LRRC9: variants seen among roughly 807,000 people sequenced by gnomAD.
LRRC9 encodes leucine-rich repeat-containing protein 9.
A neutral mutation model predicts 63.2 loss-of-function variants in LRRC9; 122 were observed. The ratio of observed to expected loss-of-function variants is 1.93; its 90% confidence interval spans 1.67 to 2.24. The LOEUF (loss-of-function observed/expected upper bound fraction) is 2.24. LRRC9 is among the 30% of genes most tolerant of loss of function. The pLI is 0.00. For synonymous variants in LRRC9, 366 were observed against 213.1 expected (o/e 1.72, Z -6.25); for missense variants, 1,071 against 627.7 (o/e 1.71, Z -7.55).
At chr14:60,065,166 G>C (rs1042682169), downstream of LRRC9, among the ~76,000 whole-genome samples, 1 of 152,126 alleles carries the variant, frequency 6.6e-6, no homozygotes, top group Admixed American at 6.6e-5. Context: ...CAGATCACAA[G>C]GTCAGAAGTT....
intron 17 of LRRC9, among the ~76,000 whole-genome samples, chr14:59,992,556 C>A (rs1187989895): frequency 6.6e-6 from 1 of 151,976 alleles, no homozygotes; most frequent in Non-Finnish European, 1.5e-5. Context: ...AGTTAAAAAC[C>A]TTGAAAAAAA....
intron 12 of LRRC9, chr14:59,973,324 G>A (rs1246078101): frequency 2.0e-5 from 3 of 151,834 alleles, no homozygotes; most frequent in Non-Finnish European, 1.5e-5. Flanking sequence ...TGAGGACCAA[G>A]ACTACACTGT....
At chr14:59,973,406 G>A (rs1159530327) in intron 12 of LRRC9, 1 of 152,048 alleles carries the variant, frequency 6.6e-6, no homozygotes, top group African/African-American at 2.4e-5. Flanking sequence ...GTCTAAAAAG[G>A]TTACTTACTG....
Position 60,008,295 on chromosome 14 carries a change from C to T in LRRC9, c.3186+81C>T, listed in dbSNP as rs574009969. The T allele has an allele frequency of 7.3e-6, 4 of 549,426 alleles. No individual in the cohort carries two copies. The East Asian group carries it at 1.2e-4, about 17-fold the overall frequency. The allele number at this position is 549,426 out of a possible 1,614,324, so 34.0% of individuals were successfully genotyped here. ...TAGGACATAGTCATTTTGAACATTG[C>T]TTTATCACTAGCATTATAGCCAAAT... On this transcript the variant is annotated intron_variant, in intron 23 of 31. Coordinates refer to ENST00000445360, the Ensembl canonical transcript of LRRC9.
chr14:60,045,320 T>G (rs531284803), intron 29 of LRRC9, among the ~76,000 whole-genome samples: 1 of 152,290 alleles, frequency 6.6e-6, no homozygotes, highest in African/African-American at 2.4e-5. Context: ...TGCAGGTCTG[T>G]TACTTATGTA....
chr14:60,043,756 CTTTT>C (rs368065898), intron 29 of LRRC9, among the ~76,000 whole-genome samples: 11 of 71,576 alleles, frequency 1.5e-4, no homozygotes, highest in South Asian at 9.1e-4. Flanking sequence ...TTTTCTTTTC[CTTTT>C]TTTTTTTTTT....
chr14:59,934,869 T>C (rs1890004147), intron 6 of LRRC9, among the ~76,000 whole-genome samples: 1 of 152,030 alleles, frequency 6.6e-6, no homozygotes, highest in Non-Finnish European at 1.5e-5. Flanking sequence ...AAACAAATAA[T>C]CTAAGATACC....
At chr14:60,018,848 TA>T (rs1890902245) in intron 25 of LRRC9, among the ~76,000 whole-genome samples, 1 of 151,906 alleles carries the variant, frequency 6.6e-6, no homozygotes, top group Admixed American at 6.6e-5. Flanking sequence ...TCTTTTCGAC[TA>T]AAAATTATTT....
intron 13 of LRRC9, among the ~76,000 whole-genome samples, chr14:59,976,625 T>G (rs1273915265): frequency 1.3e-5 from 2 of 152,258 alleles, no homozygotes; most frequent in Non-Finnish European, 2.9e-5. Flanking sequence ...CACGATGTTC[T>G]GCTAGATCCT....
At chr14:60,045,469 A>G (rs953400272) in intron 29 of LRRC9, among the ~76,000 whole-genome samples, 1 of 151,870 alleles carries the variant, frequency 6.6e-6, no homozygotes, top group Admixed American at 6.6e-5. Flanking sequence ...TGTTCCCACT[A>G]TGTGTCCGTC....
chr14:59,966,660 G>C lies in LRRC9; in HGVS notation c.1283G>C (p.Gly428Ala), dbSNP rs752762285. ...GACTTCAGAACATACGGTATTACAGGAGTAAAAGTAAAACGCATCATTAAA... is the reference window on the plus strand; with the variant it reads ...GACTTCAGAACATACGGTATTACAGCAGTAAAAGTAAAACGCATCATTAAA... Residue 428 changes from glycine to alanine, a missense_variant, in exon 11 of 32, where the codon GGA becomes GCA. Physicochemically the swap from Gly to Ala is moderately conservative, Grantham distance 60. Coordinates refer to ENST00000445360, the Ensembl canonical transcript of LRRC9. This position sits in a 1 kb window ranked among gnomAD's most constrained non-coding sequence, Gnocchi z 4.0. 2.3e-5 allele frequency: 16 copies of C among 697,734 alleles called. No homozygotes were observed. In the Admixed American group the frequency reaches 2.9e-4, roughly 12 times the overall value. The allele number at this position is 697,734 out of a possible 1,614,324, so 43.2% of individuals were successfully genotyped here. A position where few individuals can be genotyped will look rare whatever the true frequency, so the allele number is the denominator to read the frequency against.
At chr14:60,015,008 G>A (rs1890563573) in intron 23 of LRRC9, among the ~76,000 whole-genome samples, 1 of 152,024 alleles carries the variant, frequency 6.6e-6, no homozygotes. Context: ...ACTGGGTAAT[G>A]TCTATTGTTC....
At position 59,966,669 on chromosome 14, in the gene LRRC9, T is replaced by TA. The variant is rs1199519798; in HGVS notation, c.1296dup (p.Arg433ThrfsTer4). 2.9e-6 allele frequency: 2 copies of TA among 698,312 alleles called. No homozygotes were observed. Among genetic ancestry groups the TA allele is most frequent in the Non-Finnish European group, 5.2e-6 (2 of 383,080 alleles). The allele number at this position is 698,312 out of a possible 1,614,324, so 43.3% of individuals were successfully genotyped here. A position where few individuals can be genotyped will look rare whatever the true frequency, so the allele number is the denominator to read the frequency against. On this transcript the variant is annotated frameshift_variant, in exon 11 of 32. Transcript: ENST00000445360. LOFTEE classifies it high-confidence loss of function. The surrounding 1 kb of genome is among the most constrained non-coding windows in gnomAD (Gnocchi z 4.0). ...ACATACGGTATTACAGGAGTAAAAG[T>TA]AAAACGCATCATTAAAGTTAACAAC...
exon 22 of LRRC9, chr14:60,006,547 C>A: frequency 2.9e-6 from 2 of 701,648 alleles, no homozygotes; most frequent in South Asian, 3.0e-5. Context: ...TTACAAAAAT[C>A]TTTTACTCTT....
At position 60,058,287 on chromosome 14, in the gene LRRC9, T is replaced by C. The variant is rs1894426923; in HGVS notation, c.4276+265T>C. ...ACTTGCAATGTGAACTTTGTGATAC[T>C]TGAACAATTATTTCCTGACATATCT... is the stretch of plus-strand genomic sequence containing the variant. On this transcript the variant is annotated intron_variant, in intron 31 of 31. Transcript: ENST00000445360. The surrounding 1 kb of genome is among the most constrained non-coding windows in gnomAD (Gnocchi z 4.4). Among the ~76,000 whole-genome samples, 1 of 152,208 alleles carries C rather than the reference T, an allele frequency of 6.6e-6. No individual in the cohort carries two copies. The highest frequency in any genetic ancestry group is 1.5e-5 in the Non-Finnish European group (1 of 68,006).
intron 13 of LRRC9, 135 bp from the exon 14 acceptor site, chr14:59,977,090 A>G (rs1286351592): frequency 3.5e-6 from 2 of 569,548 alleles, no homozygotes; most frequent in Non-Finnish European, 6.1e-6. Flanking sequence ...TGCGCTGTAC[A>G]GTAGCAAACA....
chr14:59,988,844 T>C (rs1012855344), intron 17 of LRRC9, among the ~76,000 whole-genome samples: 3 of 152,172 alleles, frequency 2.0e-5, no homozygotes, highest in African/African-American at 4.8e-5. Flanking sequence ...ATAGGAATAA[T>C]ATCCCTTCAG....
chr14:60,061,347 G>A (rs1468720005), intron 31 of LRRC9, among the ~76,000 whole-genome samples: 4 of 152,146 alleles, frequency 2.6e-5, no homozygotes, highest in Non-Finnish European at 5.9e-5. Context: ...CATCCTGACT[G>A]GTCAGCAGCC....
At chr14:59,956,853 G>T (rs542156449) in intron 8 of LRRC9, among the ~76,000 whole-genome samples, 8 of 152,120 alleles carry the variant, frequency 5.3e-5, no homozygotes, top group African/African-American at 1.9e-4. Context: ...ACGTTTGCTT[G>T]TCTGTAAAGG....
Sources: allele counts gnomAD v4.1 joint callset (sites outside exome capture counted in the v4.1 genomes callset), GRCh38; gene constraint gnomAD v4.1.1; non-coding constraint Gnocchi (gnomAD v3.1); transcripts MANE v1.5; gene names NCBI Gene and HGNC (gene_info 2026-07-23, HGNC 2026-07-21).